The following CAST variants were observed in gnomAD, a reference collection of about 807,000 sequenced individuals.
CAST encodes MIR583 host.
In CAST, 76 loss-of-function variants were observed where a neutral mutation model predicts 119.6. The observed-to-expected ratio is 0.64, with a 90% CI of 0.53 to 0.77. The LOEUF is 0.77. CAST is among the 30% of genes least tolerant of loss of function. The probability of loss-of-function intolerance (pLI) is 0.00; values close to 1 mark genes in which losing one functional copy is unlikely to be tolerated. For synonymous variants in CAST, 319 were observed against 331.6 expected (o/e 0.96, Z 0.41); for missense variants, 953 against 946.5 (o/e 1.01, Z -0.09).
At chr5:96,124,101 G>C in the CAST span, among the ~76,000 whole-genome samples, 1 of 152,146 alleles carries the variant, frequency 6.6e-6, no homozygotes, top group Non-Finnish European at 1.5e-5. Flanking sequence ...CAATCATTAA[G>C]GCTGTCCTTA....
chr5:96,183,153 ATAAAT>A, the CAST span, among the ~76,000 whole-genome samples: 3 of 107,038 alleles, frequency 2.8e-5, no homozygotes, highest in South Asian at 3.1e-4. Flanking sequence ...AAGAAAAAAA[ATAAAT>A]AAAATAATAA....
the CAST span, among the ~76,000 whole-genome samples, chr5:96,329,606 T>G: frequency 6.6e-6 from 1 of 152,264 alleles, no homozygotes; most frequent in Non-Finnish European, 1.5e-5. Flanking sequence ...TTAGAAGGCC[T>G]CATGTCCAGT....
At chr5:96,236,363 C>T in the CAST span, among the ~76,000 whole-genome samples, 4 of 152,180 alleles carry the variant, frequency 2.6e-5, no homozygotes, top group African/African-American at 7.2e-5. Context: ...CCTGGTCCCC[C>T]GTGAATCTGC....
At chr5:96,727,602 T>A (rs1000281941) in intron 6 of CAST, 72 bp downstream of exon 6, 8 of 996,252 alleles carry the variant, frequency 8.0e-6, no homozygotes, top group Non-Finnish European at 1.2e-5. Context: ...ACTTCCTGCC[T>A]TGGCACAGCT....
chr5:96,388,603 G>A, the CAST span, among the ~76,000 whole-genome samples: 2 of 152,298 alleles, frequency 1.3e-5, no homozygotes, highest in South Asian at 2.1e-4. Context: ...GGGGCAGAGG[G>A]AACAGAGTGG....
chr5:96,506,236 T>G, the CAST span, among the ~76,000 whole-genome samples: 2 of 152,242 alleles, frequency 1.3e-5, no homozygotes, highest in Admixed American at 1.3e-4. Flanking sequence ...ATGGAATGAT[T>G]GAAGTACTTA....
At chr5:96,748,674 GAGAC>G (rs1764310687) in intron 19 of CAST, 61 bp downstream of exon 19, 4 of 800,468 alleles carry the variant, frequency 5.0e-6, no homozygotes, top group African/African-American at 1.7e-5. Flanking sequence ...AAAAAATTGT[GAGAC>G]AGACTGTTTT....
the CAST span, among the ~76,000 whole-genome samples, chr5:96,463,279 A>C: frequency 3.3e-4 from 50 of 152,260 alleles, no homozygotes; most frequent in Non-Finnish European, 5.1e-4. Flanking sequence ...GATGGTACAC[A>C]GTGAATTAGG....
chr5:96,727,435 T>C lies in CAST; in HGVS notation c.337-54T>C, dbSNP rs931166868. 12 of 935,688 alleles carry C rather than the reference T, an allele frequency of 1.3e-5. No homozygotes were observed. The Admixed American group carries it at 2.5e-4, about 19-fold the overall frequency. 58.0% of individuals were successfully genotyped at this position (935,688 alleles called of 1,614,324 possible). On this transcript the variant is annotated intron_variant, in intron 5 of 31. Transcript: ENST00000675179. ...AATCTGTGATAGTCTTTGTAAACTA[T>C]GTCTATCTTTCTTTTCTTCCTTCCT...
At chr5:96,593,971 C>T (rs771742937) in intron 1 of CAST, among the ~76,000 whole-genome samples, 1 of 152,216 alleles carries the variant, frequency 6.6e-6, no homozygotes, top group Non-Finnish European at 1.5e-5. Context: ...CTTACTGCCC[C>T]ATTCGCATAA....
At chr5:96,380,407 T>C in the CAST span, among the ~76,000 whole-genome samples, 1 of 152,348 alleles carries the variant, frequency 6.6e-6, no homozygotes, top group South Asian at 2.1e-4. Flanking sequence ...CTTTACTGCA[T>C]GCCAAATTAT....
At chr5:96,763,570 C>G (rs1273852219) in intron 25 of CAST, among the ~76,000 whole-genome samples, 1 of 152,202 alleles carries the variant, frequency 6.6e-6, no homozygotes. Flanking sequence ...AATGACACTT[C>G]TCTGATCACA....
the CAST span, among the ~76,000 whole-genome samples, chr5:96,288,602 TAAA>T: frequency 6.6e-6 from 1 of 152,192 alleles, no homozygotes; most frequent in East Asian, 1.9e-4. Context: ...TTTATAACCT[TAAA>T]AACATTTTTA....
intron 1 of CAST, among the ~76,000 whole-genome samples, chr5:96,582,098 T>A (rs1216608464): frequency 6.6e-6 from 1 of 152,174 alleles, no homozygotes; most frequent in Non-Finnish European, 1.5e-5. Flanking sequence ...GCACAGGACA[T>A]CTTGCAAGAC....
intron 1 of CAST, among the ~76,000 whole-genome samples, chr5:96,614,744 CT>C (rs1747423210): frequency 6.6e-6 from 1 of 150,900 alleles, no homozygotes; most frequent in East Asian, 1.9e-4. Flanking sequence ...TGCTTTTTTT[CT>C]TTTTAAAAAC....
chr5:96,738,253 C>CAGA lies in CAST; in HGVS notation c.798+307_798+309dup, dbSNP rs1762033975. Among the ~76,000 whole-genome samples, 3 of 152,068 alleles carry CAGA rather than the reference C, an allele frequency of 2.0e-5. No homozygotes were observed. The East Asian group carries it at 5.8e-4, about 29-fold the overall frequency. On this transcript the variant is annotated intron_variant, in intron 11 of 31. Transcript: ENST00000675179. ...AGGAGAATCACTTGAACCCAGGAGG[C>CAGA]AGAGGTTGCAGCGAGCTGAGATCGC...
At chr5:96,380,271 C>T in the CAST span, among the ~76,000 whole-genome samples, 1 of 152,100 alleles carries the variant, frequency 6.6e-6, no homozygotes, top group African/African-American at 2.4e-5. Context: ...CTTACATACT[C>T]ATAATTTTTT....
the CAST span, among the ~76,000 whole-genome samples, chr5:96,032,092 C>T: frequency 3.3e-5 from 5 of 152,114 alleles, no homozygotes; most frequent in Non-Finnish European, 7.4e-5. Flanking sequence ...TTTGAAGTCA[C>T]ATTCCATCAC....
intron 29 of CAST, chr5:96,768,519 A>C (rs1403402791): frequency 2.6e-6 from 1 of 388,008 alleles, no homozygotes; most frequent in Non-Finnish European, 5.0e-6. Context: ...TTCTATATGT[A>C]TATTTTACAT....
Sources: allele counts gnomAD v4.1 joint callset (sites outside exome capture counted in the v4.1 genomes callset), GRCh38; gene constraint gnomAD v4.1.1; transcripts MANE v1.5; gene names NCBI Gene and HGNC (gene_info 2026-07-23, HGNC 2026-07-21).